The following LRIG1 variants were observed in gnomAD, a reference collection of about 807,000 sequenced individuals.
LRIG1 encodes leucine-rich repeats and immunoglobulin-like domains protein 1.
LRIG1 carries 48 observed loss-of-function variants against 99.2 expected under a neutral mutation model. The ratio of observed to expected loss-of-function variants is 0.48; its 90% CI spans 0.38 to 0.62. LRIG1 has a LOEUF of 0.62. Among genes scored for constraint, LRIG1 ranks in the 20% least tolerant of loss-of-function variants. The pLI, the probability that LRIG1 is intolerant of heterozygous loss-of-function variation, is 0.00. For synonymous variants in LRIG1, 772 were observed against 596.1 expected, an observed-to-expected ratio of 1.29 and a Z score of -4.30; for missense variants, 1,646 against 1,434.4, an observed-to-expected ratio of 1.15 and a Z score of -2.38.
chr3:66,443,131 G>A (rs187095148), intron 3 of LRIG1, among the ~76,000 whole-genome samples: 11 of 152,198 alleles, frequency 7.2e-5, no homozygotes, highest in South Asian at 2.1e-4. Context: ...GGAAGTTTCC[G>A]GGACAGAGAG....
At chr3:66,440,026 A>G (rs1466129368) in intron 3 of LRIG1, among the ~76,000 whole-genome samples, 2 of 152,166 alleles carry the variant, frequency 1.3e-5, no homozygotes, top group African/African-American at 2.4e-5. Context: ...AAGAGGGGGA[A>G]AAAAAGGAGT....
At chr3:66,462,351 G>A in intron 2 of LRIG1, 87 bp downstream of exon 2, 1 of 914,782 alleles carries the variant, frequency 1.1e-6, no homozygotes, top group Non-Finnish European at 1.8e-6. Flanking sequence ...TGCGGATCTA[G>A]GGGAGTGAGC....
chr3:66,413,012 T>A lies in LRIG1; in HGVS notation c.650A>T (p.Asp217Val). The A allele has an allele frequency of 6.2e-7, 1 of 1,614,104 alleles. No homozygotes were observed. The highest frequency in any genetic ancestry group is 8.5e-7 in the Non-Finnish European group (1 of 1,180,022). Residue 217 changes from aspartate (D) to valine (V), a missense_variant and splice_region_variant, in exon 6 of 19, where the codon GAC becomes GTC. By Grantham distance (152) the Asp-to-Val change is radical. Transcript: ENST00000273261. ...CAGCCGAATCCTGTTCCGATTGAGG[T>A]CCCTAAAGAGATGAAGCCAGCAGGG... is the stretch of plus-strand genomic sequence containing the variant. ...AFKLPRLTQL[D>V]LNRNRIRLIE...
At chr3:66,466,287 C>A (rs185022609) in intron 1 of LRIG1, among the ~76,000 whole-genome samples, 111 of 152,292 alleles carry the variant, frequency 7.3e-4, no homozygotes, top group Non-Finnish European at 1.1e-3. Context: ...AAGCAATCCT[C>A]CCACCTCAGC....
chr3:66,477,307 A>C (rs1190681902), intron 1 of LRIG1, among the ~76,000 whole-genome samples: 1 of 152,218 alleles, frequency 6.6e-6, no homozygotes, highest in African/African-American at 2.4e-5. Context: ...TGAGCCAGAC[A>C]CACCACGACC....
chr3:66,443,266 G>A (rs566044661), intron 3 of LRIG1, among the ~76,000 whole-genome samples: 2 of 148,580 alleles, frequency 1.3e-5, no homozygotes, highest in East Asian at 2.3e-4. Flanking sequence ...ATAAAAGCCC[G>A]CCTGTTGAAA....
At position 66,394,828 on chromosome 3, in the gene LRIG1, T is replaced by C. The variant is rs185657437; in HGVS notation, c.1305-625A>G. On this transcript the variant is annotated intron_variant, in intron 11 of 18. Coordinates refer to ENST00000273261, the MANE Select transcript of LRIG1 (RefSeq NM_015541.3). ...ACTGTGCCACCCTCTTGTTTGTGCC[T>C]TGATCTTTGCACCAGTATTCTTCAG... 1.8e-4 allele frequency among the ~76,000 whole-genome samples: 28 copies of C among 152,342 alleles called. No individual in the cohort carries two copies. The East Asian group carries it at 5.0e-3, about 27-fold the overall frequency.
intron 3 of LRIG1, among the ~76,000 whole-genome samples, chr3:66,418,083 T>G (rs533374768): frequency 8.6e-5 from 13 of 151,540 alleles, no homozygotes; most frequent in Admixed American, 2.0e-4. Flanking sequence ...TTGTGTTTTT[T>G]TTTTGTTTTG....
intron 6 of LRIG1, among the ~76,000 whole-genome samples, chr3:66,411,322 C>T (rs1702456504): frequency 6.6e-6 from 1 of 152,226 alleles, no homozygotes; most frequent in Admixed American, 6.5e-5. Flanking sequence ...AAAAGGTAAG[C>T]ACTTAATGTA....
intron 13 of LRIG1, 23 bp from the exon 14 acceptor site, chr3:66,384,295 G>C: frequency 6.3e-7 from 1 of 1,598,834 alleles, no homozygotes; most frequent in Non-Finnish European, 8.6e-7. Context: ...CGTATACAGG[G>C]TCGGGTTACG....
rs754870091 is a variant in LRIG1 at position 66,398,975 on chromosome 3, C to T, written c.1227G>A (p.Glu409=). The T allele has an allele frequency of 1.2e-6, 2 of 1,614,098 alleles. No homozygotes were observed. Among genetic ancestry groups the T allele is most frequent in the South Asian group, 2.2e-5 (2 of 91,078 alleles). Residue 409 remains glutamate (E), a synonymous_variant, in exon 10 of 19, where the codon GAG becomes GAA. Coordinates refer to ENST00000273261, the MANE Select transcript of LRIG1 (RefSeq NM_015541.3). ...KRAFSGLEGL[E]HLNLGGNAIR... The stretch of plus-strand genomic sequence containing the variant: ...AGGGCTGGTGAGATACTCACAGGTG[C>T]TCCAGGCCTTCCAGCCCCGAGAATG...
At position 66,406,363 on chromosome 3, in the gene LRIG1, C is replaced by A. The variant is rs571206680; in HGVS notation, c.1079+985G>T. Reference sequence around the variant, plus strand: ...GCCCTGGCTGCCAAAGTTTTTCTCTCCTTTCTGGCCCGCTCAGTCTGAATG... The same window carrying A: ...GCCCTGGCTGCCAAAGTTTTTCTCTACTTTCTGGCCCGCTCAGTCTGAATG... On this transcript the variant is annotated intron_variant, in intron 8 of 18. Transcript: ENST00000273261. 11 of 985,612 alleles carry A rather than the reference C, an allele frequency of 1.1e-5. No homozygotes were observed. The Admixed American group carries it at 6.8e-4, about 60-fold the overall frequency. 61.1% of individuals were successfully genotyped at this position (985,612 alleles called of 1,614,324 possible).
intron 2 of LRIG1, among the ~76,000 whole-genome samples, chr3:66,458,396 G>C (rs2106827324): frequency 6.6e-6 from 1 of 151,316 alleles, no homozygotes; most frequent in Middle Eastern, 3.4e-3. Flanking sequence ...ATGTTTTAAG[G>C]GGCTGGGTGG....
At chr3:66,393,241 G>T (rs1701694309) in intron 12 of LRIG1, among the ~76,000 whole-genome samples, 1 of 152,206 alleles carries the variant, frequency 6.6e-6, no homozygotes, top group Non-Finnish European at 1.5e-5. Context: ...GCTCAAGGGA[G>T]ACCAGTGAGC....
At chr3:66,493,123 G>C (rs1701142721) in intron 1 of LRIG1, among the ~76,000 whole-genome samples, 1 of 152,190 alleles carries the variant, frequency 6.6e-6, no homozygotes, top group Admixed American at 6.5e-5. Context: ...AGCGGGTACA[G>C]TGAGGATTCA....
At chr3:66,396,316 G>A (rs1575657549) in intron 11 of LRIG1, among the ~76,000 whole-genome samples, 1 of 152,220 alleles carries the variant, frequency 6.6e-6, no homozygotes, top group African/African-American at 2.4e-5. Context: ...TCTTCCACCC[G>A]TGGAGAGCAC....
intron 11 of LRIG1, among the ~76,000 whole-genome samples, chr3:66,395,167 AAG>A (rs1458446608): frequency 6.6e-6 from 1 of 152,164 alleles, no homozygotes; most frequent in Admixed American, 6.5e-5. Flanking sequence ...AAGACTGGGA[AAG>A]AGAGCACACA....
At chr3:66,410,608 A>G (rs1168842383) in intron 6 of LRIG1, among the ~76,000 whole-genome samples, 4 of 152,312 alleles carry the variant, frequency 2.6e-5, no homozygotes, top group South Asian at 2.1e-4. Flanking sequence ...GAGGCCGAAG[A>G]AGGAGGATCG....
chr3:66,433,813 C>A (rs1338952551), intron 3 of LRIG1, among the ~76,000 whole-genome samples: 1 of 152,188 alleles, frequency 6.6e-6, no homozygotes, highest in Non-Finnish European at 1.5e-5. Context: ...CTGCAGCACC[C>A]CTTCTCTGTA....
Sources: allele counts gnomAD v4.1 joint callset (sites outside exome capture counted in the v4.1 genomes callset), GRCh38; gene constraint gnomAD v4.1.1; transcripts MANE v1.5; gene names NCBI Gene and HGNC (gene_info 2026-07-23, HGNC 2026-07-21).